The following TENM3 variants were observed in gnomAD, a reference collection of about 807,000 sequenced individuals.
TENM3 encodes the protein teneurin-3.
TENM3 carries 63 observed loss-of-function variants against 255.1 expected under a neutral mutation model. The ratio of observed to expected loss-of-function variants is 0.25; its 90% CI spans 0.20 to 0.30. The LOEUF is 0.30. Among genes scored for constraint, TENM3 ranks in the 10% least tolerant of loss-of-function variants. TENM3 has a pLI of 1.00. For synonymous variants in TENM3, 1,306 were observed against 1,322.3 expected, an observed-to-expected ratio of 0.99 and a Z score of 0.27; for missense variants, 2,929 against 3,461.1, an observed-to-expected ratio of 0.85 and a Z score of 3.86.
chr4:182,117,119 T>A, the TENM3 span, among the ~76,000 whole-genome samples: 6 of 152,328 alleles, frequency 3.9e-5, no homozygotes, highest in East Asian at 1.2e-3. Context: ...TTTGGCCCAA[T>A]GCTTAATCAA....
intron 19 of TENM3, 117 bp downstream of exon 19, chr4:182,743,536 T>C (rs2152735426): frequency 8.5e-7 from 1 of 1,177,118 alleles, no homozygotes; most frequent in Non-Finnish European, 1.2e-6. Context: ...GGTTTAAAAT[T>C]TCCCCCAGAA....
the TENM3 span, among the ~76,000 whole-genome samples, chr4:181,803,375 G>C: frequency 6.6e-6 from 1 of 152,196 alleles, no homozygotes; most frequent in Non-Finnish European, 1.5e-5. Flanking sequence ...TAAGGACAGA[G>C]CTGTTGTATT....
the TENM3 span, among the ~76,000 whole-genome samples, chr4:181,659,859 C>T: frequency 2.0e-5 from 3 of 152,112 alleles, no homozygotes; most frequent in Non-Finnish European, 4.4e-5. Flanking sequence ...TATTGAGTTA[C>T]AGTCTTATTC....
chr4:182,664,314 C>T (rs1013835697), intron 6 of TENM3, among the ~76,000 whole-genome samples: 1 of 152,100 alleles, frequency 6.6e-6, no homozygotes, highest in African/African-American at 2.4e-5. Flanking sequence ...TTTGATGTTG[C>T]TCTTATAATT....
chr4:181,984,810 GT>G, the TENM3 span, among the ~76,000 whole-genome samples: 1 of 151,160 alleles, frequency 6.6e-6, no homozygotes. Context: ...GTGTGTGTGT[GT>G]GTGTGTGTGT....
chr4:182,650,889 A>AAAAAAAAAATATATATAT (rs1281790163), intron 5 of TENM3, among the ~76,000 whole-genome samples: 1 of 29,770 alleles, frequency 3.4e-5, no homozygotes, highest in Non-Finnish European at 5.7e-5. Context: ...AATAAAAAAA[A>AAAAAAAAAATATATATAT]ATATATATAT....
chr4:182,230,385 G>A (rs75142844), intron 1 of TENM3, among the ~76,000 whole-genome samples: 3,490 of 152,196 alleles, frequency 0.023, 158 homozygotes, highest in East Asian at 0.18. Context: ...TACTCAGCAC[G>A]TGCACTAGGA....
At chr4:181,851,793 T>C in the TENM3 span, among the ~76,000 whole-genome samples, 2 of 152,156 alleles carry the variant, frequency 1.3e-5, no homozygotes, top group Non-Finnish European at 2.9e-5. Flanking sequence ...TTGGTAGCCT[T>C]TTCATCATCC....
At chr4:181,917,844 T>C in the TENM3 span, among the ~76,000 whole-genome samples, 1 of 151,794 alleles carries the variant, frequency 6.6e-6, no homozygotes, top group Non-Finnish European at 1.5e-5. Context: ...GTGTTTTTAG[T>C]AGAGACAGGG....
chr4:182,366,529 A>G (rs2150823446), intron 3 of TENM3, among the ~76,000 whole-genome samples: 1 of 152,240 alleles, frequency 6.6e-6, no homozygotes, highest in South Asian at 2.1e-4. Flanking sequence ...TGTCATTTAA[A>G]TTAACTAGGG....
At chr4:182,434,481 G>T (rs1267776953) in intron 3 of TENM3, among the ~76,000 whole-genome samples, 1 of 152,044 alleles carries the variant, frequency 6.6e-6, no homozygotes, top group African/African-American at 2.4e-5. Context: ...TGGCCAACAT[G>T]GTGAAACACC....
the TENM3 span, among the ~76,000 whole-genome samples, chr4:181,690,302 T>C: frequency 6.6e-6 from 1 of 151,936 alleles, no homozygotes; most frequent in African/African-American, 2.4e-5. Flanking sequence ...AGGGTAGACA[T>C]TGAGGTGTTC....
chr4:182,224,918 G>A (rs987616503), intron 1 of TENM3, among the ~76,000 whole-genome samples: 2 of 151,916 alleles, frequency 1.3e-5, no homozygotes, highest in African/African-American at 4.8e-5. Flanking sequence ...TGTATTTTTA[G>A]TGACGGGGTT....
chr4:182,202,795 G>A (rs1291371545), intron 1 of TENM3, among the ~76,000 whole-genome samples: 1 of 152,174 alleles, frequency 6.6e-6, no homozygotes, highest in Non-Finnish European at 1.5e-5. Context: ...AAGTGCAGGC[G>A]GCTCATCCAG....
intron 1 of TENM3, among the ~76,000 whole-genome samples, chr4:182,190,869 T>C (rs1450495362): frequency 6.6e-6 from 1 of 152,190 alleles, no homozygotes; most frequent in Non-Finnish European, 1.5e-5. Flanking sequence ...TCATGTCTCT[T>C]ACGCTTTGAA....
chr4:182,236,151 C>T (rs553749436), intron 1 of TENM3, among the ~76,000 whole-genome samples: 2 of 152,242 alleles, frequency 1.3e-5, no homozygotes, highest in African/African-American at 2.4e-5. Context: ...CACACTGTTT[C>T]CCCCAAGAGC....
chr4:182,371,229 TCACACACACA>T (rs3221610), intron 3 of TENM3, among the ~76,000 whole-genome samples: 1 of 144,212 alleles, frequency 6.9e-6, no homozygotes, highest in African/African-American at 2.6e-5. Flanking sequence ...CTCCTCCCCA[TCACACACACA>T]CACACACACA....
At chr4:182,444,921 C>T (rs977693385) in intron 3 of TENM3, among the ~76,000 whole-genome samples, 1 of 152,144 alleles carries the variant, frequency 6.6e-6, no homozygotes, top group African/African-American at 2.4e-5. Context: ...GATTCTCCTG[C>T]CCTAGCCTCT....
At chr4:182,058,609 AAAT>A in the TENM3 span, among the ~76,000 whole-genome samples, 1 of 152,128 alleles carries the variant, frequency 6.6e-6, no homozygotes, top group African/African-American at 2.4e-5. Context: ...ACTATAGTAA[AAAT>A]AATAAGCAGA....
Sources: gnomAD v4.1 joint callset for allele counts (sites outside exome capture counted in the v4.1 genomes callset) on GRCh38, gnomAD v4.1.1 for gene constraint, MANE v1.5 for transcripts, NCBI Gene and HGNC (gene_info 2026-07-23, HGNC 2026-07-21) for gene names.